Variants in MCF2L observed in about 807,000 individuals in gnomAD.
MCF2L encodes guanine nucleotide exchange factor DBS.
MCF2L carries 97 observed loss-of-function variants against 153.4 expected under a neutral mutation model. The ratio of observed to expected loss-of-function variants is 0.63; its 90% CI spans 0.54 to 0.75. The LOEUF (loss-of-function observed/expected upper bound fraction) is 0.75, where lower values mean the gene tolerates loss of function less well. Among genes scored for constraint, MCF2L ranks in the 30% least tolerant of loss-of-function variants. MCF2L has a pLI of 0.00. For synonymous variants in MCF2L, 659 were observed against 632.2 expected (o/e 1.04, Z -0.64); for missense variants, 1,347 against 1,495.2 (o/e 0.90, Z 1.64).
rs1334627145 is a variant in MCF2L, at chr13:113,096,792, C to T, written c.3311C>T (p.Ala1104Val). The change falls in exon 30 of 30, where the codon GCC becomes GTC. Residue 1104 changes from alanine to valine, a missense_variant. Ala to Val is a moderately conservative substitution (Grantham distance 64, BLOSUM62 0). This residue lies in a region of MCF2L where 383 missense variants were observed against 335.4 expected (regional missense o/e 1.14). Transcript: ENST00000535094. ...LSSSESSPGSAVLSNSSSCSE... is the reference protein window; with the variant it reads ...LSSSESSPGSVVLSNSSSCSE... ...CCCGCAGAGTCGAGCCCGGGGTCGG[C>T]CGTGCTGAGCAACTCGTCCAGCTGC... 6 of 1,561,036 alleles carry T rather than the reference C, an allele frequency of 3.8e-6. No individual in the cohort carries two copies. Among genetic ancestry groups the T allele is most frequent in the Non-Finnish European group, 4.3e-6 (5 of 1,163,520 alleles).
At chr13:113,011,223 G>A (rs2084074170) in intron 1 of MCF2L, among the ~76,000 whole-genome samples, 1 of 152,218 alleles carries the variant, frequency 6.6e-6, no homozygotes, top group Non-Finnish European at 1.5e-5. Context: ...TTCAGATGTA[G>A]CGATATTTTA....
chr13:113,078,396 A>G lies in MCF2L; in HGVS notation c.1694A>G (p.Glu565Gly). Residue 565 changes from glutamate (E) to glycine (G), a missense_variant, in exon 14 of 30, where the codon GAG becomes GGG. Glu to Gly is a moderately conservative substitution (Grantham distance 98). Coordinates refer to ENST00000535094, the MANE Select transcript of MCF2L (RefSeq NM_001112732.3). Reference protein sequence around the residue: ...IRRGSENSSSEGGALRRGPYR... With the variant: ...IRRGSENSSSGGGALRRGPYR... Reference sequence around the variant, plus strand: ...CGAGGCTCTGAGAACTCCAGCTCCGAGGGCGGTGCGCTCCGGAGAGGGCCC... The same window carrying G: ...CGAGGCTCTGAGAACTCCAGCTCCGGGGGCGGTGCGCTCCGGAGAGGGCCC... 1 of 1,613,140 alleles carries G rather than the reference A, an allele frequency of 6.2e-7. No individual in the cohort carries two copies. The highest frequency in any genetic ancestry group is 1.1e-5 in the South Asian group (1 of 91,056).
At chr13:112,995,788 G>A (rs900396602) in intron 1 of MCF2L, among the ~76,000 whole-genome samples, 6 of 152,154 alleles carry the variant, frequency 3.9e-5, no homozygotes, top group African/African-American at 1.4e-4. Context: ...CTCTCTCCCT[G>A]TGGCATGAGA....
Position 113,028,413 on chromosome 13 carries a change from T to C in MCF2L, c.278+3655T>C, listed in dbSNP as rs2085440855. On this transcript the variant is annotated intron_variant, in intron 3 of 29. Coordinates refer to ENST00000535094, the MANE Select transcript of MCF2L (RefSeq NM_001112732.3). The surrounding 1 kb of genome is among the most constrained non-coding windows in gnomAD (Gnocchi z 5.4). Reference sequence around the variant, plus strand: ...TCCTTGCTGCTGCCCCACTTGTCTGTCTGCTTCTCCTGAGATCCAGGAATC... The same window carrying C: ...TCCTTGCTGCTGCCCCACTTGTCTGCCTGCTTCTCCTGAGATCCAGGAATC... Among the ~76,000 whole-genome samples the C allele has an allele frequency of 6.6e-6, 1 of 152,208 alleles. No individual in the cohort carries two copies. Among genetic ancestry groups the C allele is most frequent in the Non-Finnish European group, 1.5e-5 (1 of 68,036 alleles).
chr13:113,014,844 C>T lies in MCF2L; in HGVS notation c.161C>T (p.Ser54Phe). 6.2e-7 allele frequency: 1 copy of T among 1,613,864 alleles called. No homozygotes were observed. Among genetic ancestry groups the T allele is most frequent in the South Asian group, 1.1e-5 (1 of 91,078 alleles). The change falls in exon 2 of 30, where the codon TCC (serine) becomes TTC (phenylalanine). Residue 54 changes from serine to phenylalanine, a missense_variant and splice_region_variant. Physicochemically the swap from Ser to Phe is radical, Grantham distance 155. Coordinates refer to ENST00000535094, the MANE Select transcript of MCF2L (RefSeq NM_001112732.3). ...DQLKKRFAYL[S>F]GGRGQDGSPV... Reference sequence around the variant, plus strand: ...CTAAAGAAGCGCTTTGCTTACCTGTCCGGTGAGTTCCAGAAGCTGGGATGG... The same window carrying T: ...CTAAAGAAGCGCTTTGCTTACCTGTTCGGTGAGTTCCAGAAGCTGGGATGG...
intron 4 of MCF2L, among the ~76,000 whole-genome samples, chr13:113,057,955 G>C (rs946617787): frequency 7.0e-6 from 1 of 142,428 alleles, no homozygotes; most frequent in Non-Finnish European, 1.5e-5. Context: ...TGGGTGCTGA[G>C]TGTTTTGGCA....
rs114245075 is a variant in MCF2L, at chr13:113,046,326, C to T, written c.369+965C>T. ...CCAGGCACCTGCATGTTCTCACGCC[C>T]GCCACAGCCCGTCCCTCCCAGGCTC... On this transcript the variant is annotated intron_variant, in intron 4 of 29. Transcript: ENST00000535094. This position sits in a 1 kb window ranked among gnomAD's most constrained non-coding sequence, Gnocchi z 4.4. 6.3e-3 allele frequency: 1,952 copies of T among 309,114 alleles called. 42 individuals carry two copies. Among genetic ancestry groups the T allele is most frequent in the African/African-American group, 0.041 (1,835 of 45,008 alleles). 19.1% of individuals were successfully genotyped at this position (309,114 alleles called of 1,614,324 possible). A position where few individuals can be genotyped will look rare whatever the true frequency, so the allele number is the denominator to read the frequency against.
intron 4 of MCF2L, among the ~76,000 whole-genome samples, chr13:113,047,931 C>A (rs1213537800): frequency 6.6e-6 from 1 of 152,286 alleles, no homozygotes; most frequent in East Asian, 1.9e-4. Flanking sequence ...CGCCTCGCTA[C>A]GCGTGCCCCA....
At chr13:113,066,986 C>T (rs537384149) in intron 8 of MCF2L, among the ~76,000 whole-genome samples, 48 of 152,246 alleles carry the variant, frequency 3.2e-4, no homozygotes, top group Admixed American at 2.2e-3. Context: ...GACTCGACGG[C>T]GCATCCTTGA....
intron 1 of MCF2L, among the ~76,000 whole-genome samples, chr13:112,997,608 G>A (rs1268774799): frequency 6.6e-6 from 1 of 152,264 alleles, no homozygotes; most frequent in African/African-American, 2.4e-5. Flanking sequence ...CCCACAGCCT[G>A]ATGGCTCCAG....
At chr13:112,979,435 T>C (rs922970021) in intron 1 of MCF2L, 24 of 1,406,854 alleles carry the variant, frequency 1.7e-5, no homozygotes, top group Non-Finnish European at 2.1e-5. Flanking sequence ...GGCCGGGCAC[T>C]CTGAGGAGGT....
exon 2 of MCF2L, chr13:112,902,269 C>T (rs569294662): frequency 4.8e-5 from 78 of 1,612,768 alleles, no homozygotes; most frequent in African/African-American, 2.3e-4. Flanking sequence ...TTCCCCACAA[C>T]GGCCCAATGA....
intron 15 of MCF2L, among the ~76,000 whole-genome samples, chr13:113,079,573 C>T (rs983075700): frequency 4.6e-5 from 7 of 152,142 alleles, no homozygotes; most frequent in Admixed American, 6.5e-5. Context: ...AGCAGGTGTC[C>T]GCAGGCAGCG....
At chr13:112,972,149 T>A (rs1249243551) in intron 1 of MCF2L, among the ~76,000 whole-genome samples, 1 of 152,236 alleles carries the variant, frequency 6.6e-6, no homozygotes, top group Non-Finnish European at 1.5e-5. Context: ...ACCTTTTCCA[T>A]TAGTTGACCT....
chr13:112,946,890 T>C (rs926446430), intron 2 of MCF2L, among the ~76,000 whole-genome samples: 2 of 152,066 alleles, frequency 1.3e-5, no homozygotes, highest in Non-Finnish European at 2.9e-5. Context: ...AGGACAACTC[T>C]GAGGGGGGGA....
At chr13:112,954,753 C>T (rs960412671) in intron 2 of MCF2L, among the ~76,000 whole-genome samples, 4 of 152,330 alleles carry the variant, frequency 2.6e-5, no homozygotes, top group South Asian at 2.1e-4. Context: ...GAGCTTGGCA[C>T]GTTGCTGTGT....
In MCF2L at chr13:113,076,155, A is replaced by G. The variant is rs1037420873; in HGVS notation, c.1498A>G (p.Met500Val). The change falls in exon 12 of 30, where the codon ATG becomes GTG. Residue 500 changes from methionine (M) to valine (V), a missense_variant and splice_region_variant. Physicochemically the swap from Met to Val is conservative, Grantham distance 21. This residue lies in a region of MCF2L where 820 missense variants were observed against 921.2 expected (regional missense o/e 0.89). Coordinates refer to ENST00000535094, the MANE Select transcript of MCF2L (RefSeq NM_001112732.3). ...EYESILNQDL[M>V]EHVRKVFQKQ... ...CGAATCCATCCTCAACCAAGATCTC[A>G]TGGTAACGCTGACTCGGGCTCTCCA... is the stretch of plus-strand genomic sequence containing the variant. 2 of 1,551,188 alleles carry G rather than the reference A, an allele frequency of 1.3e-6. No individual in the cohort carries two copies. Among genetic ancestry groups the G allele is most frequent in the Non-Finnish European group, 1.8e-6 (2 of 1,128,848 alleles).
chr13:113,097,837 G>A lies in MCF2L; in HGVS notation c.*978G>A, dbSNP rs538597497. 1 of 152,142 alleles carries A rather than the reference G, an allele frequency of 6.6e-6. No individual in the cohort carries two copies. The highest frequency in any genetic ancestry group is 1.5e-5 in the Non-Finnish European group (1 of 68,040). 9.4% of individuals were successfully genotyped at this position (152,142 alleles called of 1,614,324 possible). ...TCACTGCACTGCAGCCTCCTCGGAG[G>A]CCGCACCTCCACTCCACTCCCCACG... is the stretch of plus-strand genomic sequence containing the variant. On this transcript the variant is annotated 3_prime_UTR_variant, in exon 30 of 30. Coordinates refer to ENST00000535094, the MANE Select transcript of MCF2L (RefSeq NM_001112732.3).
In MCF2L at chr13:112,983,524, G is replaced by T. The variant is rs1173126064; in HGVS notation, c.79+14066G>T. Among the ~76,000 whole-genome samples the T allele has an allele frequency of 6.6e-6, 1 of 152,230 alleles. No homozygotes were observed. The highest frequency in any genetic ancestry group is 2.4e-5 in the African/African-American group (1 of 41,452). On this transcript the variant is annotated intron_variant, in intron 1 of 29. Coordinates refer to ENST00000535094, the MANE Select transcript of MCF2L (RefSeq NM_001112732.3). This position sits in a 1 kb window ranked among gnomAD's most constrained non-coding sequence, Gnocchi z 4.0. ...CCCGACGTCTGAGGCCCGCCACGCT[G>T]CAGGTTCCCATCTCCAAAGCCCGTG...
Sources: gnomAD v4.1 joint callset for allele counts (sites outside exome capture counted in the v4.1 genomes callset) on GRCh38, gnomAD v4.1.1 for gene constraint, gnomAD v4.1.1 regional missense constraint, Gnocchi (gnomAD v3.1) non-coding constraint, MANE v1.5 for transcripts, NCBI Gene and HGNC (gene_info 2026-07-23, HGNC 2026-07-21) for gene names.